NALCN: variants seen among roughly 807,000 people sequenced by gnomAD.
NALCN encodes sodium leak channel, non-selective, also known as sodium leak channel NALCN.
In NALCN, 111 loss-of-function variants were observed where a neutral mutation model predicts 225.3. The observed-to-expected ratio is 0.49, with a 90% confidence interval of 0.42 to 0.58. The LOEUF (loss-of-function observed/expected upper bound fraction) is 0.58. Among genes scored for constraint, NALCN ranks in the 20% least tolerant of loss-of-function variants. The probability of loss-of-function intolerance (pLI) is 0.00; values close to 1 mark genes in which losing one functional copy is unlikely to be tolerated. For missense variants in NALCN, 1,378 were observed against 2,202.4 expected (o/e 0.63, Z 7.49); for synonymous variants, 764 against 769.0 (o/e 0.99, Z 0.11).
chr13:101,087,044 A>G (rs1239275139), intron 30 of NALCN, among the ~76,000 whole-genome samples: 2 of 152,152 alleles, frequency 1.3e-5, no homozygotes, highest in Non-Finnish European at 2.9e-5. Flanking sequence ...ATATCATCTG[A>G]TCATTAATAT....
Position 101,074,718 on chromosome 13 carries a change from GAC to G in NALCN, c.3955-58_3955-57del, listed in dbSNP as rs2033140689. ...AGAGAGAGAGAGAGAGAGAGACAGA[GAC>G]AGAGAGAGAGAGAGAGAGAGAGAAT... On this transcript the variant is annotated intron_variant, in intron 35 of 43. Coordinates refer to ENST00000251127, the MANE Select transcript of NALCN (RefSeq NM_052867.4). 4.0e-6 allele frequency: 6 copies of G among 1,492,608 alleles called. No homozygotes were observed. The Admixed American group carries it at 6.8e-5, about 17-fold the overall frequency. The allele number at this position is 1,492,608 out of a possible 1,614,324, so 92.5% of individuals were successfully genotyped here.
Position 101,089,374 on chromosome 13 carries a change from G to T in NALCN, c.3489+289C>A, listed in dbSNP as rs1257617540. Among the ~76,000 whole-genome samples, 4 of 152,154 alleles carry T rather than the reference G, an allele frequency of 2.6e-5. No individual in the cohort carries two copies. The highest frequency in any genetic ancestry group is 9.7e-5 in the African/African-American group (4 of 41,426). ...TTCATCTATTGTATTTTAATAACTT[G>T]CTGCCCATCTTTCTTTTCAATTTGA... On this transcript the variant is annotated intron_variant, in intron 30 of 43. Transcript: ENST00000251127. The surrounding 1 kb of genome is among the most constrained non-coding windows in gnomAD (Gnocchi z 4.7).
At chr13:101,077,854 A>T (rs898362812) in intron 34 of NALCN, among the ~76,000 whole-genome samples, 14 of 152,304 alleles carry the variant, frequency 9.2e-5, no homozygotes, top group African/African-American at 3.4e-4. Context: ...CCCTTCCATC[A>T]CAGGCCTGGA....
Position 101,063,943 on chromosome 13 carries a change from C to T in NALCN, c.4604+1461G>A, listed in dbSNP as rs1040112263. On this transcript the variant is annotated intron_variant, in intron 40 of 43. Coordinates refer to ENST00000251127, the MANE Select transcript of NALCN (RefSeq NM_052867.4). ...TTCTTGAAATAATGCTTTAAATGCA[C>T]GGAATGAAATACACCGTATTACAAA... Among the ~76,000 whole-genome samples the T allele has an allele frequency of 4.6e-5, 7 of 152,128 alleles. No individual in the cohort carries two copies. The East Asian group carries it at 7.7e-4, about 17-fold the overall frequency.
intron 31 of NALCN, among the ~76,000 whole-genome samples, 194 bp downstream of exon 31, chr13:101,083,517 A>C (rs2033770610): frequency 6.6e-6 from 1 of 152,200 alleles, no homozygotes; most frequent in Non-Finnish European, 1.5e-5. Flanking sequence ...GTCTGAGAGC[A>C]CTGAAGCACA....
At chr13:101,412,691 T>A (rs937084448) in intron 1 of NALCN, among the ~76,000 whole-genome samples, 2 of 152,224 alleles carry the variant, frequency 1.3e-5, no homozygotes, top group African/African-American at 2.4e-5. Context: ...GCTTTTCCTA[T>A]CAGTCCTGTT....
At chr13:101,084,275 C>T (rs2033819583) in intron 30 of NALCN, among the ~76,000 whole-genome samples, 1 of 152,130 alleles carries the variant, frequency 6.6e-6, no homozygotes, top group Admixed American at 6.5e-5. Flanking sequence ...ATAGAGTTTG[C>T]ATTTTAAGAA....
intron 13 of NALCN, among the ~76,000 whole-genome samples, chr13:101,198,149 A>C (rs2039966042): frequency 6.6e-6 from 1 of 152,174 alleles, no homozygotes; most frequent in Non-Finnish European, 1.5e-5. Context: ...TTCAAGATGG[A>C]ATAAAGACTT....
chr13:101,251,852 C>G (rs542245808), intron 11 of NALCN, among the ~76,000 whole-genome samples: 2 of 152,102 alleles, frequency 1.3e-5, no homozygotes, highest in Admixed American at 1.3e-4. Flanking sequence ...CTTCTCTCAG[C>G]GAACTAGCAC....
chr13:101,372,532 C>A (rs922326750), intron 6 of NALCN, among the ~76,000 whole-genome samples: 2 of 152,002 alleles, frequency 1.3e-5, no homozygotes, highest in Non-Finnish European at 2.9e-5. Flanking sequence ...AAATTATGCA[C>A]CCAAATAACA....
chr13:101,154,500 A>G (rs553939515), intron 15 of NALCN, among the ~76,000 whole-genome samples: 9 of 152,264 alleles, frequency 5.9e-5, no homozygotes, highest in African/African-American at 2.2e-4. Flanking sequence ...TCCTCTGTGC[A>G]CCTTGCATTT....
chr13:101,127,018 T>C (rs957047150), intron 17 of NALCN, among the ~76,000 whole-genome samples: 3 of 152,204 alleles, frequency 2.0e-5, no homozygotes, highest in African/African-American at 7.2e-5. Flanking sequence ...TCCACAACTC[T>C]TATTTCATCT....
chr13:101,407,330 T>C (rs1291634773), intron 1 of NALCN, among the ~76,000 whole-genome samples: 2 of 152,234 alleles, frequency 1.3e-5, no homozygotes, highest in African/African-American at 2.4e-5. Context: ...CTACACATTT[T>C]AGAGTTTGCA....
chr13:101,253,811 GAC>G (rs2042132515), intron 11 of NALCN, among the ~76,000 whole-genome samples: 1 of 152,134 alleles, frequency 6.6e-6, no homozygotes, highest in Admixed American at 6.6e-5. Flanking sequence ...GAGTAGTTGA[GAC>G]AGAGAGAGGG....
In NALCN at chr13:101,104,806, T is replaced by C; in HGVS notation, c.2636+88A>G. The C allele has an allele frequency of 6.4e-7, 1 of 1,564,620 alleles. No individual in the cohort carries two copies. The highest frequency in any genetic ancestry group is 8.8e-7 in the Non-Finnish European group (1 of 1,140,318). Reference sequence around the variant, plus strand: ...TTCATAGCACTATATAGCAAGAAAATAAAAGAGAATTTTAATCGTTGTATG... The same window carrying C: ...TTCATAGCACTATATAGCAAGAAAACAAAAGAGAATTTTAATCGTTGTATG... On this transcript the variant is annotated intron_variant, in intron 23 of 43. Coordinates refer to ENST00000251127, the MANE Select transcript of NALCN (RefSeq NM_052867.4). This position sits in a 1 kb window ranked among gnomAD's most constrained non-coding sequence, Gnocchi z 4.2.
chr13:101,283,723 A>G (rs1285773420), intron 10 of NALCN, among the ~76,000 whole-genome samples: 2 of 152,036 alleles, frequency 1.3e-5, no homozygotes, highest in Non-Finnish European at 2.9e-5. Flanking sequence ...ACATGCCTGC[A>G]GCCATCAGAA....
At chr13:101,090,662 C>G (rs2034185167) in intron 28 of NALCN, among the ~76,000 whole-genome samples, 2 of 152,124 alleles carry the variant, frequency 1.3e-5, no homozygotes, top group Non-Finnish European at 2.9e-5. Context: ...GGGTGGTATG[C>G]TTTCTACCTC....
intron 13 of NALCN, among the ~76,000 whole-genome samples, chr13:101,203,241 G>C (rs961853597): frequency 6.6e-6 from 1 of 152,114 alleles, no homozygotes; most frequent in African/African-American, 2.4e-5. Flanking sequence ...TTGAGACAGA[G>C]TTTCGCTCTT....
At position 101,150,365 on chromosome 13, in the gene NALCN, A is replaced by G. The variant is rs187510328; in HGVS notation, c.1840-5469T>C. ...AAATGTATACTATACCTCTTTCTAT[A>G]TGTATATTAGAGTTCAGTTAAAAGT... On this transcript the variant is annotated intron_variant, in intron 15 of 43. Coordinates refer to ENST00000251127, the MANE Select transcript of NALCN (RefSeq NM_052867.4). 4.7e-4 allele frequency among the ~76,000 whole-genome samples: 72 copies of G among 152,306 alleles called. 1 individual carries two copies. Among genetic ancestry groups the G allele is most frequent in the African/African-American group, 1.7e-3 (70 of 41,568 alleles).
Sources: allele counts gnomAD v4.1 joint callset (sites outside exome capture counted in the v4.1 genomes callset), GRCh38; gene constraint gnomAD v4.1.1; non-coding constraint Gnocchi (gnomAD v3.1); transcripts MANE v1.5; gene names NCBI Gene and HGNC (gene_info 2026-07-23, HGNC 2026-07-21).